Variants in EML6 observed in about 807,000 individuals in gnomAD.
EML6 encodes the protein EMAP like 6, also known as echinoderm microtubule-associated protein-like 6.
EML6 carries 154 observed loss-of-function variants against 240.1 expected under a neutral mutation model. That is an observed-to-expected ratio of 0.64 (90% CI 0.56 to 0.73). EML6 has a LOEUF of 0.73. EML6 is among the 30% of genes least tolerant of loss of function. The probability of loss-of-function intolerance (pLI) is 0.00; values close to 1 mark genes in which losing one functional copy is unlikely to be tolerated. For synonymous variants in EML6, 1,148 were observed against 899.0 expected (o/e 1.28, Z -4.95); for missense variants, 2,964 against 2,474.6 (o/e 1.20, Z -4.20).
chr2:54,915,696 A>G (rs1253434092), intron 25 of EML6, among the ~76,000 whole-genome samples: 1 of 152,156 alleles, frequency 6.6e-6, no homozygotes. Flanking sequence ...TCCTGGCTGC[A>G]TCTTTATCTT....
intron 2 of EML6, among the ~76,000 whole-genome samples, chr2:54,791,152 G>C (rs996514086): frequency 1.3e-5 from 2 of 152,200 alleles, no homozygotes; most frequent in African/African-American, 4.8e-5. Context: ...ATTCAGAGAG[G>C]TGAGGGAGGA....
chr2:54,730,002 G>A (rs140825970), intron 2 of EML6, among the ~76,000 whole-genome samples: 17 of 152,272 alleles, frequency 1.1e-4, no homozygotes, highest in Non-Finnish European at 2.2e-4. Flanking sequence ...TGGGCATGGT[G>A]GCAGGTGCCT....
intron 5 of EML6, among the ~76,000 whole-genome samples, chr2:54,824,431 C>G (rs910772250): frequency 1.3e-5 from 2 of 152,124 alleles, no homozygotes; most frequent in East Asian, 1.9e-4. Context: ...TTTTTGCTGT[C>G]TGTATTCTCT....
chr2:54,909,094 T>A (rs1232100141), intron 24 of EML6, among the ~76,000 whole-genome samples: 1 of 152,234 alleles, frequency 6.6e-6, no homozygotes, highest in African/African-American at 2.4e-5. Flanking sequence ...AGTGAGTTGT[T>A]GGGATTTATC....
chr2:54,866,411 C>G (rs1485923344), intron 13 of EML6, among the ~76,000 whole-genome samples: 3 of 152,082 alleles, frequency 2.0e-5, no homozygotes, highest in African/African-American at 7.2e-5. Flanking sequence ...CTCATGAGGT[C>G]CACATTTTTC....
chr2:54,865,359 C>A (rs1481419159), intron 13 of EML6, among the ~76,000 whole-genome samples: 2 of 150,072 alleles, frequency 1.3e-5, no homozygotes, highest in African/African-American at 4.9e-5. Flanking sequence ...TGCCTGTAGT[C>A]CCAGCTACTC....
chr2:54,774,576 G>A lies in EML6; in HGVS notation c.198-38656G>A, dbSNP rs1012840562. On this transcript the variant is annotated intron_variant, in intron 2 of 41. Transcript: ENST00000356458. This position sits in a 1 kb window ranked among gnomAD's most constrained non-coding sequence, Gnocchi z 4.1. ...TCTCTGCTACACTACATCATAGGGTGGTTGTAAGGATCAAATAAAATAAAA... is the reference window on the plus strand; with the variant it reads ...TCTCTGCTACACTACATCATAGGGTAGTTGTAAGGATCAAATAAAATAAAA... 2.0e-5 allele frequency among the ~76,000 whole-genome samples: 3 copies of A among 152,200 alleles called. No homozygotes were observed. Among genetic ancestry groups the A allele is most frequent in the Non-Finnish European group, 4.4e-5 (3 of 68,032 alleles).
At chr2:54,963,851 T>G (rs1676632683) in intron 36 of EML6, 135 bp from the exon 37 acceptor site, 3 of 736,120 alleles carry the variant, frequency 4.1e-6, no homozygotes, top group Non-Finnish European at 4.3e-6. Flanking sequence ...GGACATTTAC[T>G]CTAAGAAGCA....
rs1463654579 is a variant in EML6 at position 54,928,355 on chromosome 2, C to T, written c.3718C>T (p.His1240Tyr). Residue 1240 changes from histidine (H) to tyrosine (Y), a missense_variant, in exon 27 of 42, where the codon CAT (histidine) becomes TAT (tyrosine). His to Tyr is a moderately conservative substitution (Grantham distance 83, BLOSUM62 2). Transcript: ENST00000356458. ...RFKKYVGHSA[H>Y]VTNVRWLHND... is the part of the protein sequence containing the mutation. Reference sequence around the variant, plus strand: ...CAAGAAGTATGTGGGGCACAGTGCACATGTCACTAACGTGAGGTGGCTGCA... The same window carrying T: ...CAAGAAGTATGTGGGGCACAGTGCATATGTCACTAACGTGAGGTGGCTGCA... 4 of 1,551,842 alleles carry T rather than the reference C, an allele frequency of 2.6e-6. No homozygotes were observed. Among genetic ancestry groups the T allele is most frequent in the East Asian group, 2.4e-5 (1 of 40,902 alleles).
chr2:54,969,961 A>G (rs1573236067), intron 41 of EML6, 110 bp from the exon 42 acceptor site: 2 of 1,126,762 alleles, frequency 1.8e-6, no homozygotes, highest in African/African-American at 3.1e-5. Context: ...CAAAATGTTC[A>G]ATACATCACC....
At position 54,725,264 on chromosome 2, in the gene EML6, G is replaced by T; in HGVS notation, c.197+6G>T. On this transcript the variant is annotated splice_donor_region_variant and intron_variant, in intron 2 of 41. Transcript: ENST00000356458. The surrounding 1 kb of genome is among the most constrained non-coding windows in gnomAD (Gnocchi z 4.3). ...CACAACGACGACATTATCAGGTAAG[G>T]GGGTGGCCAGGGGCGGCGGGGAGGG... The T allele has an allele frequency of 7.1e-7, 1 of 1,412,710 alleles. No individual in the cohort carries two copies. Among genetic ancestry groups the T allele is most frequent in the Admixed American group, 2.8e-5 (1 of 36,148 alleles). The allele number at this position is 1,412,710 out of a possible 1,614,324, so 87.5% of individuals were successfully genotyped here.
At chr2:54,961,269 A>G (rs542366024) in intron 35 of EML6, among the ~76,000 whole-genome samples, 10 of 142,926 alleles carry the variant, frequency 7.0e-5, no homozygotes, top group Admixed American at 2.2e-4. Flanking sequence ...ACTGCAACCT[A>G]TACCTCTTGG....
chr2:54,727,474 G>T (rs965529054), intron 2 of EML6, among the ~76,000 whole-genome samples: 39 of 152,184 alleles, frequency 2.6e-4, no homozygotes, highest in Admixed American at 2.1e-3. Flanking sequence ...TCTTACATAT[G>T]TAAATATCTT....
At chr2:54,941,678 C>T (rs1308614610) in intron 28 of EML6, among the ~76,000 whole-genome samples, 2 of 152,208 alleles carry the variant, frequency 1.3e-5, no homozygotes, top group Non-Finnish European at 2.9e-5. Flanking sequence ...CTTACAGAGC[C>T]TGAGAGTTGG....
Position 54,869,338 on chromosome 2 carries a change from C to G in EML6, c.2209C>G (p.Pro737Ala). 6.4e-7 allele frequency: 1 copy of G among 1,551,536 alleles called. No individual in the cohort carries two copies. Among genetic ancestry groups the G allele is most frequent in the Non-Finnish European group, 8.7e-7 (1 of 1,146,880 alleles). Residue 737 changes from proline (P) to alanine (A), a missense_variant, in exon 15 of 42, where the codon CCA becomes GCA. By Grantham distance (27) the Pro-to-Ala change is conservative. Coordinates refer to ENST00000356458, the MANE Select transcript of EML6 (RefSeq NM_001039753.4). ...CGACATTCTCAGCCTGACCATCCAT[C>G]CAGTGAAGGACTATGTGGCTACTGG... ...DDDILSLTIH[P>A]VKDYVATGQV...
intron 11 of EML6, among the ~76,000 whole-genome samples, chr2:54,855,239 C>T (rs919671720): frequency 1.3e-5 from 2 of 151,942 alleles, no homozygotes. Context: ...GGCGTCTGGG[C>T]GAGGGGTGCT....
chr2:54,831,275 T>A (rs1668856415), intron 7 of EML6, among the ~76,000 whole-genome samples: 1 of 152,208 alleles, frequency 6.6e-6, no homozygotes, highest in Non-Finnish European at 1.5e-5. Context: ...TCCATTTAAC[T>A]AATCCAAAAA....
chr2:54,938,442 G>C (rs1175744228), intron 28 of EML6, among the ~76,000 whole-genome samples: 3 of 152,196 alleles, frequency 2.0e-5, no homozygotes, highest in Non-Finnish European at 4.4e-5. Context: ...GCCTCAGTGA[G>C]ACATACAGCC....
intron 29 of EML6, among the ~76,000 whole-genome samples, chr2:54,949,604 T>C (rs905222275): frequency 6.6e-6 from 1 of 152,172 alleles, no homozygotes; most frequent in Non-Finnish European, 1.5e-5. Context: ...ACCCTCTCTC[T>C]CTGACACATG....
Sources: allele counts gnomAD v4.1 joint callset (sites outside exome capture counted in the v4.1 genomes callset), GRCh38; gene constraint gnomAD v4.1.1; non-coding constraint Gnocchi (gnomAD v3.1); transcripts MANE v1.5; gene names NCBI Gene and HGNC (gene_info 2026-07-23, HGNC 2026-07-21).